GSG1L: variants seen among roughly 807,000 people sequenced by gnomAD.
GSG1L encodes GSG1 like, also known as germ cell-specific gene 1-like protein.
Under a neutral mutation model 42.1 loss-of-function variants are expected in GSG1L, and 24 were observed. That is an observed-to-expected ratio of 0.57 (90% CI 0.41 to 0.80). GSG1L has a LOEUF of 0.80. Ranked by LOEUF, GSG1L falls within the 30% of genes least tolerant of loss-of-function variation. GSG1L has a pLI of 0.00. For synonymous variants in GSG1L, 215 were observed against 203.5 expected, an observed-to-expected ratio of 1.06 and a Z score of -0.48; for missense variants, 445 against 472.2, an observed-to-expected ratio of 0.94 and a Z score of 0.53.
At chr16:27,994,636 A>T (rs2085493909) in intron 1 of GSG1L, among the ~76,000 whole-genome samples, 1 of 152,190 alleles carries the variant, frequency 6.6e-6, no homozygotes, top group Non-Finnish European at 1.5e-5. Context: ...CCCAATTTTG[A>T]TCTAAAGTTC....
In GSG1L at chr16:27,856,392, C is replaced by G. The variant is rs574049617; in HGVS notation, c.551-11331G>C. Among the ~76,000 whole-genome samples, 121 of 152,346 alleles carry G rather than the reference C, an allele frequency of 7.9e-4. 2 individuals are homozygous for G. The highest frequency in any genetic ancestry group is 2.9e-3 in the African/African-American group (119 of 41,584). On this transcript the variant is annotated intron_variant, in intron 3 of 6. Coordinates refer to ENST00000447459, the MANE Select transcript of GSG1L (RefSeq NM_001109763.2). ...GTAGTGGTGCGATCATAGCTCACTG[C>G]AGCCTTCAACTCCTGGGCTCAAGCG... is the stretch of plus-strand genomic sequence containing the variant.
chr16:27,933,229 G>A (rs577083380), intron 2 of GSG1L, among the ~76,000 whole-genome samples: 12 of 152,204 alleles, frequency 7.9e-5, no homozygotes, highest in Non-Finnish European at 1.8e-4. Context: ...CAGGACCATA[G>A]CCTTGACCTG....
rs2082710130 is a variant in GSG1L, at chr16:27,787,853, G to A, written c.*3517C>T. On this transcript the variant is annotated 3_prime_UTR_variant, in exon 7 of 7. Coordinates refer to ENST00000447459, the MANE Select transcript of GSG1L (RefSeq NM_001109763.2). ...CCCTGTCAGATCTGTCCCTGCCCAG[G>A]CCCATATATGGCAGCCGCCCTCTCT... 6.6e-6 allele frequency: 1 copy of A among 152,188 alleles called. No individual in the cohort carries two copies. The highest frequency in any genetic ancestry group is 6.5e-5 in the Admixed American group (1 of 15,280). The allele number at this position is 152,188 out of a possible 1,614,324, so 9.4% of individuals were successfully genotyped here.
intron 6 of GSG1L, 93 bp downstream of exon 6, chr16:27,807,394 G>A (rs984907915): frequency 1.4e-5 from 13 of 957,902 alleles, no homozygotes; most frequent in Non-Finnish European, 2.1e-5. Flanking sequence ...TGCAGTGGGG[G>A]GTGGGGGCTG....
chr16:27,907,865 C>T (rs7201219), intron 2 of GSG1L, among the ~76,000 whole-genome samples: 9,261 of 152,214 alleles, frequency 0.061, 334 homozygotes, highest in Non-Finnish European at 0.085. Flanking sequence ...CCTCTGCCTC[C>T]TTCCTACTTT....
intron 6 of GSG1L, among the ~76,000 whole-genome samples, chr16:27,803,788 TATATATAG>T (rs1344489450): frequency 1.4e-4 from 9 of 63,628 alleles, no homozygotes; most frequent in East Asian, 1.3e-3. Context: ...TATATATATA[TATATATAG>T]ATAGATAGAT....
intron 4 of GSG1L, among the ~76,000 whole-genome samples, chr16:27,835,662 G>GT (rs1437696400): frequency 2.0e-5 from 3 of 151,740 alleles, no homozygotes; most frequent in African/African-American, 4.8e-5. Context: ...TATTTTGAGG[G>GT]TATCTCTGTA....
At chr16:27,809,350 C>T (rs905097241) in intron 5 of GSG1L, among the ~76,000 whole-genome samples, 6 of 152,088 alleles carry the variant, frequency 3.9e-5, no homozygotes, top group Non-Finnish European at 7.4e-5. Context: ...CTGCAGTGAG[C>T]CATGATTATA....
At chr16:27,798,218 CATT>C (rs1323781223) in intron 6 of GSG1L, among the ~76,000 whole-genome samples, 13 of 152,042 alleles carry the variant, frequency 8.6e-5, no homozygotes, top group Non-Finnish European at 4.4e-5. Flanking sequence ...GGCTCATAGA[CATT>C]ATAAAAATTT....
At chr16:27,826,411 C>A (rs2083209709) in intron 5 of GSG1L, among the ~76,000 whole-genome samples, 1 of 152,210 alleles carries the variant, frequency 6.6e-6, no homozygotes, top group Non-Finnish European at 1.5e-5. Flanking sequence ...CTCTGCTGAG[C>A]CCTGAGGATG....
rs531575340 is a variant in GSG1L at position 27,801,148 on chromosome 16, G to A, written c.898+6339C>T. Among the ~76,000 whole-genome samples the A allele has an allele frequency of 2.0e-5, 3 of 152,328 alleles. No homozygotes were observed. The East Asian group carries it at 5.8e-4, about 29-fold the overall frequency. ...GAATGAGTTTTGCGTGTTCAAGAAA[G>A]AGGAAGGTCAGGTTGGCTGGGGCAG... On this transcript the variant is annotated intron_variant, in intron 6 of 6. Coordinates refer to ENST00000447459, the MANE Select transcript of GSG1L (RefSeq NM_001109763.2).
chr16:27,934,401 G>T (rs1340125859), intron 2 of GSG1L, among the ~76,000 whole-genome samples: 1 of 152,168 alleles, frequency 6.6e-6, no homozygotes, highest in Non-Finnish European at 1.5e-5. Context: ...CAGGCATGAT[G>T]GCAGGTGCCT....
intron 2 of GSG1L, among the ~76,000 whole-genome samples, chr16:27,903,121 G>T (rs796456879): frequency 1.1e-4 from 16 of 152,248 alleles, no homozygotes; most frequent in African/African-American, 3.9e-4. Flanking sequence ...GAAGGACAAG[G>T]GGGAGTCCAG....
At chr16:27,822,160 A>G (rs76168427) in intron 5 of GSG1L, among the ~76,000 whole-genome samples, 2,983 of 152,198 alleles carry the variant, frequency 0.02, 99 homozygotes, top group African/African-American at 0.068. Context: ...ATCATTTCAT[A>G]AAGTCCTCAC....
chr16:28,020,445 G>A (rs897875644), intron 1 of GSG1L, among the ~76,000 whole-genome samples: 15 of 152,166 alleles, frequency 9.9e-5, no homozygotes, highest in African/African-American at 3.1e-4. Flanking sequence ...ACTAGTGCTC[G>A]TCTGAAGTTT....
At chr16:27,955,882 GAGGAAGGA>G (rs759855179) in intron 2 of GSG1L, among the ~76,000 whole-genome samples, 1,882 of 111,068 alleles carry the variant, frequency 0.017, 56 homozygotes, top group African/African-American at 0.055. Flanking sequence ...CATAAGAGAA[GAGGAAGGA>G]AGGAAGGAAG....
At chr16:28,002,607 G>T (rs573307526) in intron 1 of GSG1L, among the ~76,000 whole-genome samples, 238 of 152,082 alleles carry the variant, frequency 1.6e-3, no homozygotes, top group African/African-American at 5.4e-3. Flanking sequence ...GCCTGTGACA[G>T]AGCAAGATCA....
chr16:27,861,123 T>C (rs2083644700), intron 3 of GSG1L, among the ~76,000 whole-genome samples: 1 of 152,106 alleles, frequency 6.6e-6, no homozygotes, highest in Non-Finnish European at 1.5e-5. Flanking sequence ...ATCCCAGCAC[T>C]CTGGGAGGCC....
At position 27,911,280 on chromosome 16, in the gene GSG1L, T is replaced by TCTCTCTCTCTCTCTCTC. The variant is rs150893140; in HGVS notation, c.398-26643_398-26642insGAGAGAGAGAGAGAGAG. On this transcript the variant is annotated intron_variant, in intron 2 of 6. Transcript: ENST00000447459. ...ACCTCTCTCTCGCTCTCTCTCTCTC[T>TCTCTCTCTCTCTCTCTC]CTCTCTCTCTCTCTCCTCTCTCTCT... 6.1e-3 allele frequency among the ~76,000 whole-genome samples: 886 copies of TCTCTCTCTCTCTCTCTC among 144,218 alleles called. 9 individuals are homozygous for TCTCTCTCTCTCTCTCTC. Among genetic ancestry groups the TCTCTCTCTCTCTCTCTC allele is most frequent in the African/African-American group, 0.014 (546 of 38,126 alleles). 94.6% of individuals were successfully genotyped at this position (144,218 alleles called of 152,430 possible).
Sources: allele counts gnomAD v4.1 joint callset (sites outside exome capture counted in the v4.1 genomes callset), GRCh38; gene constraint gnomAD v4.1.1; transcripts MANE v1.5; gene names NCBI Gene and HGNC (gene_info 2026-07-23, HGNC 2026-07-21).